The following CIMAP1B variants were observed in gnomAD, a reference collection of about 807,000 sequenced individuals.
The protein encoded by CIMAP1B is ciliary microtubule associated protein 1B.
chr22:50,531,470 G>T, the CIMAP1B span: 1 of 1,120,910 alleles, frequency 8.9e-7, no homozygotes, highest in Non-Finnish European at 1.2e-6. Flanking sequence ...GCGGTGTTAG[G>T]GTATCCGAGG....
At chr22:50,531,005 CTT>C in the CIMAP1B span, 40 of 1,611,020 alleles carry the variant, frequency 2.5e-5, no homozygotes, top group Non-Finnish European at 3.4e-5. Flanking sequence ...GGGGCGGAGA[CTT>C]TGCCGATGAC....
Sources: gnomAD v4.1 joint callset for allele counts on GRCh38, gnomAD v4.1.1 for gene constraint, MANE v1.5 for transcripts, NCBI Gene and HGNC (gene_info 2026-07-23, HGNC 2026-07-21) for gene names.